Variants in WWOX observed in about 807,000 individuals in gnomAD.
The protein encoded by WWOX is WW domain containing oxidoreductase, also known as WW domain-containing oxidoreductase.
WWOX carries 69 observed loss-of-function variants against 46.2 expected under a neutral mutation model. The observed-to-expected ratio is 1.49, with a 90% confidence interval of 1.23 to 1.82. WWOX has a LOEUF of 1.82. Among genes scored for constraint, WWOX ranks in the 40% most tolerant of loss-of-function variants. The probability of loss-of-function intolerance (pLI) is 0.00; values close to 1 mark genes in which losing one functional copy is unlikely to be tolerated. For missense variants in WWOX, 919 were observed against 542.6 expected (o/e 1.69, Z -6.89); for synonymous variants, 359 against 202.6 (o/e 1.77, Z -6.56).
chr16:78,695,547 C>G (rs1303012055), intron 8 of WWOX, among the ~76,000 whole-genome samples: 2 of 152,300 alleles, frequency 1.3e-5, no homozygotes, highest in East Asian at 3.9e-4. Context: ...ACCTGTGAGG[C>G]TATGGTCTGC....
At chr16:79,048,020 C>A (rs913459199) in intron 8 of WWOX, among the ~76,000 whole-genome samples, 3 of 152,072 alleles carry the variant, frequency 2.0e-5, no homozygotes, top group African/African-American at 7.2e-5. Flanking sequence ...GTCAAGGTGG[C>A]TATAGACTGG....
At chr16:78,469,461 G>A (rs1272716157) in intron 8 of WWOX, among the ~76,000 whole-genome samples, 1 of 152,194 alleles carries the variant, frequency 6.6e-6, no homozygotes, top group African/African-American at 2.4e-5. Flanking sequence ...TTCTGAAACA[G>A]AGATGACAGG....
intron 8 of WWOX, among the ~76,000 whole-genome samples, chr16:78,845,424 C>G (rs1469377828): frequency 3.3e-5 from 5 of 152,122 alleles, no homozygotes; most frequent in African/African-American, 1.2e-4. Context: ...TAGGAGCGGC[C>G]TGGAAACTGG....
chr16:78,531,111 G>T (rs1425641467), intron 8 of WWOX, among the ~76,000 whole-genome samples: 1 of 152,146 alleles, frequency 6.6e-6, no homozygotes. Flanking sequence ...TGCATTTCAT[G>T]AGTCTTGGCA....
intron 8 of WWOX, among the ~76,000 whole-genome samples, chr16:79,077,050 A>C (rs527277083): frequency 6.6e-6 from 1 of 152,270 alleles, no homozygotes; most frequent in South Asian, 2.1e-4. Flanking sequence ...CAATTCCCTA[A>C]GGTTCCACGT....
intron 8 of WWOX, among the ~76,000 whole-genome samples, chr16:79,094,093 C>G (rs1186646223): frequency 1.3e-5 from 2 of 152,186 alleles, no homozygotes; most frequent in Non-Finnish European, 2.9e-5. Context: ...ACTCATCCCA[C>G]CTCCTCACTC....
At chr16:78,849,633 G>T (rs565194095) in intron 8 of WWOX, among the ~76,000 whole-genome samples, 1 of 151,346 alleles carries the variant, frequency 6.6e-6, no homozygotes, top group South Asian at 2.1e-4. Context: ...GCCTTCCTTG[G>T]CAAACTTTGA....
intron 8 of WWOX, among the ~76,000 whole-genome samples, chr16:78,804,488 G>A (rs2050976330): frequency 1.3e-5 from 2 of 152,088 alleles, no homozygotes; most frequent in African/African-American, 4.8e-5. Context: ...CATTAGTCAT[G>A]CAAACAAGCG....
At chr16:78,550,430 T>A (rs1310976531) in intron 8 of WWOX, among the ~76,000 whole-genome samples, 1 of 152,230 alleles carries the variant, frequency 6.6e-6, no homozygotes. Context: ...TAAAACTTTA[T>A]TTAGAAAAAC....
chr16:79,049,796 C>A (rs149301538), intron 8 of WWOX, among the ~76,000 whole-genome samples: 7 of 150,520 alleles, frequency 4.7e-5, no homozygotes, highest in African/African-American at 1.7e-4. Flanking sequence ...GATCATCCCA[C>A]CGCACACCAG....
intron 8 of WWOX, among the ~76,000 whole-genome samples, chr16:78,691,999 A>AT (rs1385553084): frequency 1.3e-5 from 2 of 151,822 alleles, no homozygotes; most frequent in Non-Finnish European, 2.9e-5. Context: ...CTTCTTCCTC[A>AT]TTTTCTCTTG....
intron 6 of WWOX, among the ~76,000 whole-genome samples, chr16:78,387,976 G>A (rs1469801105): frequency 6.6e-6 from 1 of 152,074 alleles, no homozygotes; most frequent in Non-Finnish European, 1.5e-5. Flanking sequence ...TGAAGGATGT[G>A]AGGGAAGGGA....
chr16:78,102,506 G>A (rs2031863113), intron 1 of WWOX, among the ~76,000 whole-genome samples: 1 of 152,214 alleles, frequency 6.6e-6, no homozygotes, highest in African/African-American at 2.4e-5. Flanking sequence ...CAGCAGCAGA[G>A]CTCCAGTAGC....
At chr16:78,756,564 G>A (rs1413233560) in intron 8 of WWOX, among the ~76,000 whole-genome samples, 1 of 152,172 alleles carries the variant, frequency 6.6e-6, no homozygotes, top group Non-Finnish European at 1.5e-5. Context: ...TTAGTGTTCT[G>A]AGAATGCTTT....
intron 8 of WWOX, among the ~76,000 whole-genome samples, chr16:78,689,556 A>G (rs1358191914): frequency 1.3e-5 from 2 of 152,198 alleles, no homozygotes; most frequent in Non-Finnish European, 2.9e-5. Context: ...AAGTCAGTCT[A>G]GAGAGAATCC....
chr16:79,039,868 T>C (rs1440614147), intron 8 of WWOX, among the ~76,000 whole-genome samples: 1 of 152,188 alleles, frequency 6.6e-6, no homozygotes, highest in East Asian at 1.9e-4. Context: ...GAGTTGCTTC[T>C]TCCAGGAAGC....
intron 8 of WWOX, among the ~76,000 whole-genome samples, chr16:78,678,867 C>G (rs954020439): frequency 7.2e-5 from 11 of 152,140 alleles, no homozygotes; most frequent in Admixed American, 6.5e-4. Context: ...CCAGTTTACT[C>G]TGGAGACGAC....
At chr16:78,179,985 G>C (rs1055120441) in intron 5 of WWOX, among the ~76,000 whole-genome samples, 1 of 152,184 alleles carries the variant, frequency 6.6e-6, no homozygotes, top group African/African-American at 2.4e-5. Flanking sequence ...AGATCGGCTG[G>C]TTAGTTTTTG....
At chr16:78,609,057 T>G (rs2045834108) in intron 8 of WWOX, among the ~76,000 whole-genome samples, 2 of 152,182 alleles carry the variant, frequency 1.3e-5, no homozygotes. Context: ...ATAGAAAAAT[T>G]AGTTATTAAA....
Sources: gnomAD v4.1 joint callset for allele counts (sites outside exome capture counted in the v4.1 genomes callset) on GRCh38, gnomAD v4.1.1 for gene constraint, MANE v1.5 for transcripts, NCBI Gene and HGNC (gene_info 2026-07-23, HGNC 2026-07-21) for gene names.